SDK1: variants seen among roughly 807,000 people sequenced by gnomAD.
SDK1 encodes the protein sidekick cell adhesion molecule 1, also known as protein sidekick-1.
In SDK1, 157 loss-of-function variants were observed where a neutral mutation model predicts 245.5. The observed-to-expected ratio is 0.64, with a 90% CI of 0.56 to 0.73. The LOEUF (loss-of-function observed/expected upper bound fraction) is 0.73. Ranked by LOEUF, SDK1 falls within the 30% of genes least tolerant of loss-of-function variation. The pLI is 0.00. For synonymous variants in SDK1, 1,647 were observed against 1,278.5 expected (o/e 1.29, Z -6.15); for missense variants, 3,583 against 3,002.3 (o/e 1.19, Z -4.52).
intron 2 of SDK1, among the ~76,000 whole-genome samples, chr7:3,619,559 C>G (rs1304646431): frequency 1.3e-5 from 2 of 152,192 alleles, no homozygotes; most frequent in Non-Finnish European, 2.9e-5. Context: ...AGGGCAACAG[C>G]CCTACCCACA....
intron 29 of SDK1, 80 bp downstream of exon 29, chr7:4,145,996 G>T: frequency 1.6e-6 from 2 of 1,286,452 alleles, no homozygotes; most frequent in Non-Finnish European, 2.2e-6. Context: ...GGTCTGCGGG[G>T]TACCTGGGAG....
chr7:3,670,895 G>C (rs1783681510), intron 4 of SDK1, among the ~76,000 whole-genome samples: 1 of 152,196 alleles, frequency 6.6e-6, no homozygotes, highest in Non-Finnish European at 1.5e-5. Flanking sequence ...CAGTTCAAGA[G>C]TAACCTTTTT....
At chr7:3,368,433 C>T (rs141603398) in intron 1 of SDK1, among the ~76,000 whole-genome samples, 57 of 152,300 alleles carry the variant, frequency 3.7e-4, no homozygotes, top group African/African-American at 1.3e-3. Context: ...ATATCTCTTA[C>T]TATGGTATTT....
intron 1 of SDK1, among the ~76,000 whole-genome samples, chr7:3,464,688 G>A (rs1780935981): frequency 1.5e-5 from 2 of 136,948 alleles, no homozygotes; most frequent in South Asian, 4.6e-4. Context: ...CCCGTTCATT[G>A]TGTATGTATG....
At chr7:3,539,102 T>G (rs560915629) in intron 1 of SDK1, among the ~76,000 whole-genome samples, 37 of 152,300 alleles carry the variant, frequency 2.4e-4, no homozygotes, top group Non-Finnish European at 5.0e-4. Context: ...AGCAGACAGA[T>G]TATATTAGCT....
chr7:4,020,123 C>T (rs935479616), intron 17 of SDK1, among the ~76,000 whole-genome samples: 8 of 152,220 alleles, frequency 5.3e-5, no homozygotes, highest in East Asian at 1.9e-4. Flanking sequence ...TCGGAGACGC[C>T]GGGCACCACC....
At position 4,145,702 on chromosome 7, in the gene SDK1, C is replaced by T. The variant is rs776003541; in HGVS notation, c.4229-20C>T. ...TGGGTGACTGGCTCAGCAGCTGTCT[C>T]CCATGTCACCTGCCTGCAGGGTACC... On this transcript the variant is annotated intron_variant, in intron 28 of 44. Coordinates refer to ENST00000404826, the MANE Select transcript of SDK1 (RefSeq NM_152744.4). 3 of 1,585,466 alleles carry T rather than the reference C, an allele frequency of 1.9e-6. No individual in the cohort carries two copies. The African/African-American group carries it at 4.0e-5, about 21-fold the overall frequency.
intron 5 of SDK1, among the ~76,000 whole-genome samples, chr7:3,947,528 G>GC (rs1332877211): frequency 4.1e-5 from 5 of 120,934 alleles, no homozygotes; most frequent in Admixed American, 9.3e-5. Context: ...AGAAGTATTT[G>GC]CTTGTGTGTG....
intron 1 of SDK1, among the ~76,000 whole-genome samples, chr7:3,484,274 G>C (rs73038556): frequency 0.24 from 36,189 of 152,010 alleles, 4,574 homozygotes; most frequent in Admixed American, 0.32. Flanking sequence ...GAACTGCATG[G>C]GTCCATGTAT....
At chr7:3,329,481 T>A (rs1780015368) in intron 1 of SDK1, among the ~76,000 whole-genome samples, 1 of 152,198 alleles carries the variant, frequency 6.6e-6, no homozygotes, top group South Asian at 2.1e-4. Flanking sequence ...TTTCAGAGTA[T>A]TTTCTTCTCC....
At chr7:3,912,195 C>G (rs1295500360) in intron 5 of SDK1, among the ~76,000 whole-genome samples, 1 of 152,156 alleles carries the variant, frequency 6.6e-6, no homozygotes, top group South Asian at 2.1e-4. Context: ...AGGAAGAGGA[C>G]TCCGTAATAG....
rs570173610 is a variant in SDK1 at position 3,703,013 on chromosome 7, A to T, written c.713+60908A>T. Among the ~76,000 whole-genome samples the T allele has an allele frequency of 2.7e-5, 4 of 149,776 alleles. No homozygotes were observed. In the South Asian group the frequency reaches 8.6e-4, roughly 32 times the overall value. ...ATATAAATTGGTGCATCTAGAAAAT[A>T]TTGGAAAATAGTAGTTTCTTTAAAA... is the stretch of plus-strand genomic sequence containing the variant. On this transcript the variant is annotated intron_variant, in intron 4 of 44. Transcript: ENST00000404826.
chr7:3,405,529 CT>C (rs1207720299), intron 1 of SDK1, among the ~76,000 whole-genome samples: 1 of 152,144 alleles, frequency 6.6e-6, no homozygotes, highest in Non-Finnish European at 1.5e-5. Flanking sequence ...CTCTGCCTGT[CT>C]TTAGTTTCAT....
chr7:3,496,726 T>A (rs1432089326), intron 1 of SDK1, among the ~76,000 whole-genome samples: 1 of 152,256 alleles, frequency 6.6e-6, no homozygotes, highest in Non-Finnish European at 1.5e-5. Context: ...TACTTCTCCG[T>A]TCATTTTCAT....
intron 14 of SDK1, among the ~76,000 whole-genome samples, chr7:3,991,797 T>G (rs1784348668): frequency 6.6e-6 from 1 of 152,232 alleles, no homozygotes; most frequent in Non-Finnish European, 1.5e-5. Context: ...CAGCCTGTGC[T>G]GCTACCAGCT....
chr7:3,931,988 A>G lies in SDK1; in HGVS notation c.848-18935A>G, dbSNP rs184541134. Among the ~76,000 whole-genome samples, 276 of 152,258 alleles carry G rather than the reference A, an allele frequency of 1.8e-3. 1 individual carries two copies. The highest frequency in any genetic ancestry group is 6.4e-3 in the African/African-American group (266 of 41,554). ...ACGGCATGAGTTGCTGGGTGCCTGA[A>G]CCACTCTTACTGTTCATTGGTTTGG... On this transcript the variant is annotated intron_variant, in intron 5 of 44. Coordinates refer to ENST00000404826, the MANE Select transcript of SDK1 (RefSeq NM_152744.4).
intron 5 of SDK1, among the ~76,000 whole-genome samples, chr7:3,903,198 C>T (rs1467086077): frequency 6.7e-6 from 1 of 149,612 alleles, no homozygotes; most frequent in Non-Finnish European, 1.5e-5. Flanking sequence ...GGCTAGAGTG[C>T]AGTGGTGTAA....
At chr7:3,330,651 T>C (rs12540385) in intron 1 of SDK1, among the ~76,000 whole-genome samples, 39,287 of 151,902 alleles carry the variant, frequency 0.26, 5,227 homozygotes, top group East Asian at 0.39. Flanking sequence ...TCCAGAACCA[T>C]GAGCTATGTC....
intron 5 of SDK1, among the ~76,000 whole-genome samples, chr7:3,831,513 T>G (rs908976525): frequency 2.0e-5 from 3 of 152,160 alleles, no homozygotes; most frequent in African/African-American, 7.2e-5. Flanking sequence ...TTCAGAAAAA[T>G]GAAAATATAT....
Sources: allele counts gnomAD v4.1 joint callset (sites outside exome capture counted in the v4.1 genomes callset), GRCh38; gene constraint gnomAD v4.1.1; transcripts MANE v1.5; gene names NCBI Gene and HGNC (gene_info 2026-07-23, HGNC 2026-07-21).